The following SLMAP variants were observed in gnomAD, a reference collection of about 807,000 sequenced individuals.
SLMAP encodes sarcolemma associated protein, also known as sarcolemmal membrane-associated protein.
SLMAP carries 44 observed loss-of-function variants against 128.8 expected under a neutral mutation model. The observed-to-expected ratio is 0.34, with a 90% CI of 0.27 to 0.44. SLMAP has a LOEUF of 0.44. Ranked by LOEUF, SLMAP falls within the 20% of genes least tolerant of loss-of-function variation. The pLI, the probability that SLMAP is intolerant of heterozygous loss-of-function variation, is 1.00. For synonymous variants in SLMAP, 327 were observed against 348.8 expected (o/e 0.94, Z 0.70); for missense variants, 787 against 985.3 (o/e 0.80, Z 2.69).
chr3:57,857,482 G>T (rs1354105934), intron 6 of SLMAP, among the ~76,000 whole-genome samples: 1 of 152,162 alleles, frequency 6.6e-6, no homozygotes, highest in Admixed American at 6.5e-5. Context: ...TAAAAGTTAT[G>T]TGAATGTCAA....
chr3:57,808,470 T>C (rs1475041372), intron 2 of SLMAP, among the ~76,000 whole-genome samples: 1 of 152,230 alleles, frequency 6.6e-6, no homozygotes, highest in Non-Finnish European at 1.5e-5. Context: ...TTTATTCTCA[T>C]TGGTTTCAGA....
chr3:57,831,792 A>G (rs2093353657), intron 3 of SLMAP, among the ~76,000 whole-genome samples: 1 of 152,164 alleles, frequency 6.6e-6, no homozygotes, highest in African/African-American at 2.4e-5. Context: ...CACCAAGACA[A>G]GCTTAAATCA....
At chr3:57,771,556 G>T (rs1318757808) in intron 2 of SLMAP, among the ~76,000 whole-genome samples, 1 of 151,850 alleles carries the variant, frequency 6.6e-6, no homozygotes, top group Non-Finnish European at 1.5e-5. Flanking sequence ...TTTAGACAGG[G>T]TCTTGTTCTG....
intron 9 of SLMAP, 46 bp from the exon 10 acceptor site, chr3:57,861,903 A>T: frequency 1.3e-6 from 2 of 1,529,302 alleles, no homozygotes; most frequent in Non-Finnish European, 1.8e-6. Flanking sequence ...CTAAATAACA[A>T]ATATACACTT....
At chr3:57,866,557 C>T (rs560055677) in intron 13 of SLMAP, among the ~76,000 whole-genome samples, 8 of 152,190 alleles carry the variant, frequency 5.3e-5, no homozygotes, top group African/African-American at 1.4e-4. Context: ...GACTATTCTA[C>T]GTATGTTTTG....
chr3:57,881,560 C>T (rs1008224770), intron 14 of SLMAP, among the ~76,000 whole-genome samples: 2 of 152,122 alleles, frequency 1.3e-5, no homozygotes, highest in Non-Finnish European at 2.9e-5. Flanking sequence ...TGGGTTCAAG[C>T]GATTCTCCTG....
At chr3:57,891,587 T>G (rs1314691257) in intron 15 of SLMAP, among the ~76,000 whole-genome samples, 1 of 152,066 alleles carries the variant, frequency 6.6e-6, no homozygotes, top group Non-Finnish European at 1.5e-5. Context: ...CTTTTTTTTT[T>G]TTCCTTGAGA....
intron 3 of SLMAP, among the ~76,000 whole-genome samples, chr3:57,831,932 C>T (rs1417294715): frequency 6.6e-6 from 1 of 152,222 alleles, no homozygotes; most frequent in Non-Finnish European, 1.5e-5. Flanking sequence ...CTGTCTTAAA[C>T]ATTTTAGTTT....
intron 14 of SLMAP, among the ~76,000 whole-genome samples, chr3:57,874,522 C>G (rs374337783): frequency 1.3e-5 from 2 of 151,134 alleles, no homozygotes; most frequent in Non-Finnish European, 2.9e-5. Context: ...GAAAATCACT[C>G]GAGCCTAAGG....
intron 6 of SLMAP, among the ~76,000 whole-genome samples, chr3:57,854,423 G>T (rs554094056): frequency 1.3e-3 from 191 of 152,028 alleles, no homozygotes; most frequent in African/African-American, 4.5e-3. Context: ...CATGGAGAAA[G>T]CTCATCTCCA....
At chr3:57,771,881 A>G (rs985028384) in intron 2 of SLMAP, among the ~76,000 whole-genome samples, 3 of 152,248 alleles carry the variant, frequency 2.0e-5, no homozygotes, top group African/African-American at 7.2e-5. Flanking sequence ...TGTTAAAGCA[A>G]TAAAATCAGT....
chr3:57,813,750 A>G (rs1205723368), intron 2 of SLMAP, among the ~76,000 whole-genome samples: 1 of 152,222 alleles, frequency 6.6e-6, no homozygotes, highest in South Asian at 2.1e-4. Context: ...TTGAATATCC[A>G]TGGTGGCTTT....
intron 17 of SLMAP, chr3:57,898,733 T>G (rs1575943753): frequency 6.6e-6 from 1 of 152,206 alleles, no homozygotes; most frequent in Non-Finnish European, 1.5e-5. Flanking sequence ...ATTAAAATTA[T>G]AAAGACACAA....
chr3:57,901,535 C>T (rs1026269005), intron 17 of SLMAP: 8 of 152,120 alleles, frequency 5.3e-5, no homozygotes, highest in African/African-American at 1.9e-4. Context: ...TAAATCTGAT[C>T]AAGACTCTAG....
At chr3:57,872,170 C>T (rs530439375) in intron 14 of SLMAP, among the ~76,000 whole-genome samples, 27 of 152,242 alleles carry the variant, frequency 1.8e-4, no homozygotes, top group African/African-American at 6.5e-4. Flanking sequence ...GGCGTGGTGG[C>T]GCACGCCTAT....
intron 2 of SLMAP, among the ~76,000 whole-genome samples, chr3:57,763,994 G>A (rs1162169537): frequency 6.6e-6 from 1 of 152,182 alleles, no homozygotes; most frequent in Non-Finnish European, 1.5e-5. Context: ...GTTCTTGTTT[G>A]TGCCTTGTCT....
intron 2 of SLMAP, among the ~76,000 whole-genome samples, chr3:57,798,056 A>G (rs2087203252): frequency 6.6e-6 from 1 of 152,234 alleles, no homozygotes; most frequent in South Asian, 2.1e-4. Context: ...AAATGAGTTA[A>G]TATATGTGAA....
At position 57,838,297 on chromosome 3, in the gene SLMAP, A is replaced by G. The variant is rs577894761; in HGVS notation, c.347-3002A>G. ...CATCCTCTAGAAACTCATTTATCATAAGAGAGAGAAATCCATCTCTTCTGT... is the reference window on the plus strand; with the variant it reads ...CATCCTCTAGAAACTCATTTATCATGAGAGAGAGAAATCCATCTCTTCTGT... On this transcript the variant is annotated intron_variant, in intron 3 of 24. Transcript: ENST00000671191. Among the ~76,000 whole-genome samples, 6 of 152,372 alleles carry G rather than the reference A, an allele frequency of 3.9e-5. No individual in the cohort carries two copies. In the South Asian group the frequency reaches 1.2e-3, roughly 32 times the overall value.
intron 14 of SLMAP, among the ~76,000 whole-genome samples, chr3:57,884,788 G>A (rs1209463628): frequency 6.6e-6 from 1 of 151,996 alleles, no homozygotes; most frequent in Non-Finnish European, 1.5e-5. Flanking sequence ...CAGCCTGGGT[G>A]ATAGAGCCAG....
Sources: allele counts gnomAD v4.1 joint callset (sites outside exome capture counted in the v4.1 genomes callset), GRCh38; gene constraint gnomAD v4.1.1; transcripts MANE v1.5; gene names NCBI Gene and HGNC (gene_info 2026-07-23, HGNC 2026-07-21).